SPMIP2: variants seen among roughly 807,000 people sequenced by gnomAD.
SPMIP2 encodes sperm microtubule inner protein 2.
At chr4:159,076,688 G>C in the SPMIP2 span, among the ~76,000 whole-genome samples, 1 of 151,994 alleles carries the variant, frequency 6.6e-6, no homozygotes, top group Non-Finnish European at 1.5e-5. Context: ...TTTCTTTAGA[G>C]ATAGAGTCTT....
At chr4:159,051,843 G>C in the SPMIP2 span, among the ~76,000 whole-genome samples, 1,392 of 152,110 alleles carry the variant, frequency 9.2e-3, 25 homozygotes, top group African/African-American at 0.032. Context: ...CAGTTTCTGT[G>C]GCCTATTACT....
chr4:158,901,841 C>A, the SPMIP2 span, among the ~76,000 whole-genome samples: 1 of 151,786 alleles, frequency 6.6e-6, no homozygotes, highest in Non-Finnish European at 1.5e-5. Context: ...TCCATCAGGT[C>A]ATTTATGTTC....
At chr4:158,953,536 GC>G in the SPMIP2 span, among the ~76,000 whole-genome samples, 2 of 152,222 alleles carry the variant, frequency 1.3e-5, no homozygotes, top group Non-Finnish European at 2.9e-5. Flanking sequence ...TGGGGCCAGA[GC>G]CCCCACAGAG....
chr4:159,033,969 AAAAT>A, the SPMIP2 span, among the ~76,000 whole-genome samples: 1 of 152,120 alleles, frequency 6.6e-6, no homozygotes, highest in African/African-American at 2.4e-5. Flanking sequence ...CTAAAAGTAC[AAAAT>A]AAATAAATAA....
At chr4:158,939,054 G>T in the SPMIP2 span, among the ~76,000 whole-genome samples, 2 of 152,156 alleles carry the variant, frequency 1.3e-5, no homozygotes, top group Non-Finnish European at 2.9e-5. Flanking sequence ...TTCTCTTCAC[G>T]CTGGTGCTTC....
At chr4:158,964,048 G>C in the SPMIP2 span, among the ~76,000 whole-genome samples, 3 of 151,984 alleles carry the variant, frequency 2.0e-5, no homozygotes, top group Admixed American at 2.0e-4. Flanking sequence ...CCAGCTACTC[G>C]AGAGGCTGGG....
the SPMIP2 span, among the ~76,000 whole-genome samples, chr4:158,899,062 A>G: frequency 1.3e-5 from 2 of 152,100 alleles, no homozygotes; most frequent in African/African-American, 2.4e-5. Flanking sequence ...AGTGGTGTTG[A>G]GTTTTGTCGA....
chr4:158,947,818 G>A, the SPMIP2 span, among the ~76,000 whole-genome samples: 1 of 151,796 alleles, frequency 6.6e-6, no homozygotes, highest in Admixed American at 6.6e-5. Context: ...GTCAAACAAG[G>A]AAATCAATTT....
At chr4:158,952,780 G>A in the SPMIP2 span, among the ~76,000 whole-genome samples, 1 of 152,164 alleles carries the variant, frequency 6.6e-6, no homozygotes, top group African/African-American at 2.4e-5. Context: ...GGTCTCAGAT[G>A]GATATGAGGA....
At chr4:158,993,716 C>T in the SPMIP2 span, among the ~76,000 whole-genome samples, 1 of 152,156 alleles carries the variant, frequency 6.6e-6, no homozygotes, top group African/African-American at 2.4e-5. Flanking sequence ...TAGAAATAAA[C>T]AATTCTTCAT....
At chr4:158,963,440 C>A in the SPMIP2 span, among the ~76,000 whole-genome samples, 1 of 152,048 alleles carries the variant, frequency 6.6e-6, no homozygotes, top group Non-Finnish European at 1.5e-5. Flanking sequence ...TAGCTGGGAC[C>A]ACAGGTGCAC....
At chr4:158,969,407 T>C in the SPMIP2 span, among the ~76,000 whole-genome samples, 2 of 152,214 alleles carry the variant, frequency 1.3e-5, no homozygotes, top group Admixed American at 6.5e-5. Flanking sequence ...TTTTAAAGAA[T>C]GTGCTGCTCT....
chr4:159,020,729 T>C, the SPMIP2 span, among the ~76,000 whole-genome samples: 4 of 152,330 alleles, frequency 2.6e-5, no homozygotes, highest in East Asian at 7.7e-4. Flanking sequence ...ACGTTTAAGC[T>C]AAGGCACTCT....
chr4:159,082,469 G>C, the SPMIP2 span, among the ~76,000 whole-genome samples: 10 of 149,080 alleles, frequency 6.7e-5, no homozygotes, highest in East Asian at 1.7e-3. Context: ...GTGTGTGTGT[G>C]TGTGTGTGTG....
At chr4:158,911,981 A>G in the SPMIP2 span, among the ~76,000 whole-genome samples, 102 of 152,322 alleles carry the variant, frequency 6.7e-4, no homozygotes, top group African/African-American at 2.4e-3. Flanking sequence ...AAGGAAAAAA[A>G]CTACCAGAAA....
chr4:158,962,429 G>A, the SPMIP2 span, among the ~76,000 whole-genome samples: 3 of 152,098 alleles, frequency 2.0e-5, no homozygotes, highest in Non-Finnish European at 4.4e-5. Context: ...CCCATAGAAC[G>A]AATACAATGG....
chr4:159,045,700 A>AGTG, the SPMIP2 span, among the ~76,000 whole-genome samples: 1 of 152,260 alleles, frequency 6.6e-6, no homozygotes, highest in Non-Finnish European at 1.5e-5. Context: ...TCTAAAATTT[A>AGTG]GTGGCTTAAA....
chr4:159,022,456 A>G, the SPMIP2 span, among the ~76,000 whole-genome samples: 1 of 152,076 alleles, frequency 6.6e-6, no homozygotes, highest in Non-Finnish European at 1.5e-5. Context: ...ATTGGAGCAC[A>G]TGTGAGCTTC....
At chr4:159,007,142 G>T in the SPMIP2 span, 2 of 720,574 alleles carry the variant, frequency 2.8e-6, no homozygotes, top group Non-Finnish European at 2.5e-6. Flanking sequence ...TGTGGGGTGC[G>T]CCTGAGACGG....
Sources: gnomAD v4.1 joint callset for allele counts (sites outside exome capture counted in the v4.1 genomes callset) on GRCh38, gnomAD v4.1.1 for gene constraint, MANE v1.5 for transcripts, NCBI Gene and HGNC (gene_info 2026-07-23, HGNC 2026-07-21) for gene names.